The following SEMA3C variants were observed in gnomAD, a reference collection of about 807,000 sequenced individuals.
SEMA3C encodes semaphorin 3C, also known as semaphorin-3C.
A neutral mutation model predicts 89.4 loss-of-function variants in SEMA3C; 47 were observed. That is an observed-to-expected ratio of 0.53 (90% CI 0.42 to 0.67). The LOEUF (loss-of-function observed/expected upper bound fraction) is 0.67. SEMA3C is among the 30% of genes least tolerant of loss of function. SEMA3C has a pLI of 0.00. For synonymous variants in SEMA3C, 310 were observed against 320.2 expected (o/e 0.97, Z 0.34); for missense variants, 839 against 929.1 (o/e 0.90, Z 1.26).
At chr7:80,892,276 A>T (rs961107608) in intron 2 of SEMA3C, among the ~76,000 whole-genome samples, 2 of 152,160 alleles carry the variant, frequency 1.3e-5, no homozygotes, top group African/African-American at 2.4e-5. Context: ...AGTTAAATGC[A>T]CATTAATATT....
intron 2 of SEMA3C, among the ~76,000 whole-genome samples, chr7:80,906,402 G>A (rs751267478): frequency 1.3e-5 from 2 of 152,122 alleles, no homozygotes; most frequent in Non-Finnish European, 2.9e-5. Context: ...ACAAATAAAT[G>A]ACACATCTTA....
chr7:80,800,674 A>G, intron 10 of SEMA3C, 83 bp downstream of exon 10: 2 of 859,738 alleles, frequency 2.3e-6, no homozygotes, highest in Non-Finnish European at 3.7e-6. Context: ...TAAAAGTTGC[A>G]GAGAAGAATG....
chr7:80,759,990 C>T (rs767422165), intron 14 of SEMA3C, among the ~76,000 whole-genome samples: 6 of 151,810 alleles, frequency 4.0e-5, no homozygotes, highest in African/African-American at 1.2e-4. Context: ...TTTTATTAAG[C>T]GTACTATTTT....
chr7:80,833,144 GTC>G, intron 2 of SEMA3C, among the ~76,000 whole-genome samples: 1 of 152,108 alleles, frequency 6.6e-6, no homozygotes, highest in Middle Eastern at 3.4e-3. Flanking sequence ...TTAGAAAATC[GTC>G]AATCCAGGCC....
chr7:80,851,562 G>A (rs1790514376), intron 2 of SEMA3C, among the ~76,000 whole-genome samples: 1 of 139,346 alleles, frequency 7.2e-6, no homozygotes, highest in African/African-American at 2.6e-5. Context: ...ATTAGGATGA[G>A]CACATCATTC....
intron 2 of SEMA3C, among the ~76,000 whole-genome samples, chr7:80,900,516 T>C (rs2116194106): frequency 6.6e-6 from 1 of 152,316 alleles, no homozygotes; most frequent in African/African-American, 2.4e-5. Context: ...ACTAATATTA[T>C]CCTAATTGTA....
At chr7:80,756,010 A>G (rs1344806331) in intron 15 of SEMA3C, among the ~76,000 whole-genome samples, 1 of 152,126 alleles carries the variant, frequency 6.6e-6, no homozygotes, top group Non-Finnish European at 1.5e-5. Context: ...AAAGAGTGGG[A>G]GTTCTCTTCC....
intron 15 of SEMA3C, among the ~76,000 whole-genome samples, chr7:80,756,682 G>A (rs763881699): frequency 6.6e-5 from 10 of 152,116 alleles, no homozygotes; most frequent in Non-Finnish European, 1.2e-4. Flanking sequence ...GCTGTTTCTT[G>A]AGCAATCCTG....
chr7:80,781,328 C>T (rs1788685879), intron 12 of SEMA3C, among the ~76,000 whole-genome samples: 1 of 152,164 alleles, frequency 6.6e-6, no homozygotes. Context: ...CATTATTCTG[C>T]CCACCCCATT....
At chr7:80,862,795 T>TA (rs1317767413) in intron 2 of SEMA3C, among the ~76,000 whole-genome samples, 2 of 152,104 alleles carry the variant, frequency 1.3e-5, no homozygotes, top group Admixed American at 6.6e-5. Context: ...CCCAAATACT[T>TA]ACAGTCAACT....
At chr7:80,868,323 A>G (rs1282368733) in intron 2 of SEMA3C, among the ~76,000 whole-genome samples, 1 of 152,112 alleles carries the variant, frequency 6.6e-6, no homozygotes, top group Admixed American at 6.5e-5. Flanking sequence ...GCTGGAGTGC[A>G]GCGATGCAGT....
intron 2 of SEMA3C, among the ~76,000 whole-genome samples, chr7:80,889,067 T>G (rs1193927323): frequency 6.6e-6 from 1 of 152,186 alleles, no homozygotes. Context: ...TTTACCATGT[T>G]GGCCAGGCTG....
At chr7:80,905,017 A>C (rs1791971463) in intron 2 of SEMA3C, among the ~76,000 whole-genome samples, 1 of 151,784 alleles carries the variant, frequency 6.6e-6, no homozygotes. Context: ...AGGGTGGCAA[A>C]CTGCTGATGA....
At chr7:80,843,927 A>G (rs938317659) in intron 2 of SEMA3C, among the ~76,000 whole-genome samples, 7 of 136,574 alleles carry the variant, frequency 5.1e-5, no homozygotes, top group Admixed American at 4.3e-4. Flanking sequence ...CTGAGAACAT[A>G]CAAAGTACCT....
At chr7:80,834,279 T>C (rs1790076172) in intron 2 of SEMA3C, among the ~76,000 whole-genome samples, 1 of 152,132 alleles carries the variant, frequency 6.6e-6, no homozygotes, top group Non-Finnish European at 1.5e-5. Context: ...TGTAATGTCT[T>C]CTATGCCAAT....
intron 2 of SEMA3C, among the ~76,000 whole-genome samples, chr7:80,915,512 G>A (rs1792248464): frequency 6.6e-6 from 1 of 152,092 alleles, no homozygotes; most frequent in Non-Finnish European, 1.5e-5. Flanking sequence ...GGGAGGCGGA[G>A]GCGGGCAGAT....
At chr7:80,893,977 A>G (rs1470559343) in intron 2 of SEMA3C, among the ~76,000 whole-genome samples, 2 of 152,184 alleles carry the variant, frequency 1.3e-5, no homozygotes, top group African/African-American at 4.8e-5. Context: ...TTTAATTACC[A>G]TTTCTACAAC....
intron 2 of SEMA3C, among the ~76,000 whole-genome samples, chr7:80,833,209 TGGATCACGA>T (rs1028904124): frequency 6.6e-6 from 1 of 151,860 alleles, no homozygotes; most frequent in African/African-American, 2.4e-5. Flanking sequence ...CAGAGGCAGG[TGGATCACGA>T]GGTCAGGAGA....
At chr7:80,838,129 T>C (rs1790176645) in intron 2 of SEMA3C, among the ~76,000 whole-genome samples, 1 of 152,126 alleles carries the variant, frequency 6.6e-6, no homozygotes. Flanking sequence ...ATTAATACTT[T>C]ATCACTATTA....
Sources: allele counts gnomAD v4.1 joint callset (sites outside exome capture counted in the v4.1 genomes callset), GRCh38; gene constraint gnomAD v4.1.1; transcripts MANE v1.5; gene names NCBI Gene and HGNC (gene_info 2026-07-23, HGNC 2026-07-21).